The following EBF1 variants were observed in gnomAD, a reference collection of about 807,000 sequenced individuals.
EBF1 encodes the protein EBF transcription factor 1, also known as transcription factor COE1.
A neutral mutation model predicts 68.4 loss-of-function variants in EBF1; 10 were observed. The observed-to-expected ratio is 0.15, with a 90% CI of 0.09 to 0.25. EBF1 has a LOEUF of 0.25. Among genes scored for constraint, EBF1 ranks in the 10% least tolerant of loss-of-function variants. The probability of loss-of-function intolerance (pLI) is 1.00; values close to 1 mark genes in which losing one functional copy is unlikely to be tolerated. For synonymous variants in EBF1, 298 were observed against 299.8 expected (o/e 0.99, Z 0.06); for missense variants, 509 against 794.4 (o/e 0.64, Z 4.32).
chr5:158,845,551 T>C (rs1465885882), intron 6 of EBF1, among the ~76,000 whole-genome samples: 1 of 152,114 alleles, frequency 6.6e-6, no homozygotes, highest in African/African-American at 2.4e-5. Context: ...TCATCATTTA[T>C]CCCTGGCAAC....
intron 6 of EBF1, among the ~76,000 whole-genome samples, chr5:158,997,091 C>T (rs1449167584): frequency 2.6e-5 from 4 of 152,298 alleles, no homozygotes; most frequent in Admixed American, 1.3e-4. Context: ...CCACAAAAGC[C>T]CTTTGTCTAC....
At chr5:158,922,804 C>A (rs950119269) in intron 6 of EBF1, among the ~76,000 whole-genome samples, 3 of 152,140 alleles carry the variant, frequency 2.0e-5, no homozygotes, top group African/African-American at 7.2e-5. Flanking sequence ...AAAGCCTGAG[C>A]CAGATTTCAG....
chr5:158,905,180 CA>C (rs538672498), intron 6 of EBF1, among the ~76,000 whole-genome samples: 15 of 152,292 alleles, frequency 9.8e-5, no homozygotes, highest in African/African-American at 3.1e-4. Context: ...TAACTTTCTG[CA>C]AAAACCTCCC....
chr5:158,753,170 G>A (rs1462265699), intron 10 of EBF1, among the ~76,000 whole-genome samples: 1 of 151,912 alleles, frequency 6.6e-6, no homozygotes, highest in Non-Finnish European at 1.5e-5. Flanking sequence ...TAATATAATT[G>A]AGCTAGTCTT....
chr5:158,732,131 TTTC>T (rs1181364775), intron 10 of EBF1, among the ~76,000 whole-genome samples: 1 of 152,204 alleles, frequency 6.6e-6, no homozygotes, highest in African/African-American at 2.4e-5. Context: ...TTTTTTAAAA[TTTC>T]TTGTCTTTTT....
At chr5:159,059,479 T>A (rs1775397728) in intron 6 of EBF1, among the ~76,000 whole-genome samples, 1 of 152,138 alleles carries the variant, frequency 6.6e-6, no homozygotes, top group Non-Finnish European at 1.5e-5. Context: ...TGTTAAGACA[T>A]ACTGTCTGAG....
At chr5:158,706,464 C>T (rs1448078414) in intron 15 of EBF1, among the ~76,000 whole-genome samples, 1 of 152,116 alleles carries the variant, frequency 6.6e-6, no homozygotes, top group East Asian at 1.9e-4. Context: ...CTCAAGTTTC[C>T]CATCTGTATA....
intron 6 of EBF1, among the ~76,000 whole-genome samples, chr5:159,026,020 G>A (rs1767654687): frequency 6.6e-6 from 1 of 152,188 alleles, no homozygotes; most frequent in Non-Finnish European, 1.5e-5. Context: ...GTTACGTGAA[G>A]GAAGTGTGAA....
chr5:158,953,965 T>G (rs1324970774), intron 6 of EBF1, among the ~76,000 whole-genome samples: 1 of 152,202 alleles, frequency 6.6e-6, no homozygotes, highest in Non-Finnish European at 1.5e-5. Flanking sequence ...TTTACTGTAT[T>G]TTTCCCAATC....
At chr5:159,010,026 G>C (rs1680379780) in intron 6 of EBF1, among the ~76,000 whole-genome samples, 1 of 152,096 alleles carries the variant, frequency 6.6e-6, no homozygotes, top group Non-Finnish European at 1.5e-5. Context: ...CCAAATACAG[G>C]CTTGACACTT....
In EBF1 at chr5:158,885,700, T is replaced by C. The variant is rs147725230; in HGVS notation, c.555-45590A>G. On this transcript the variant is annotated intron_variant, in intron 6 of 15. Transcript: ENST00000313708. ...AAAGATACTGGCTCCATTACAGATA[T>C]GGAAACAAGGTCCACAATGTCTGGG... 3.3e-4 allele frequency among the ~76,000 whole-genome samples: 51 copies of C among 152,274 alleles called. No individual in the cohort carries two copies. The East Asian group carries it at 9.9e-3, about 29-fold the overall frequency.
intron 6 of EBF1, among the ~76,000 whole-genome samples, chr5:158,937,124 A>G (rs1812188878): frequency 6.6e-6 from 1 of 152,072 alleles, no homozygotes; most frequent in African/African-American, 2.4e-5. Context: ...AGGTGCATGA[A>G]TATCAGAAGA....
At chr5:158,773,926 G>A (rs1278366852) in intron 10 of EBF1, among the ~76,000 whole-genome samples, 1 of 152,162 alleles carries the variant, frequency 6.6e-6, no homozygotes, top group Non-Finnish European at 1.5e-5. Flanking sequence ...CCACTGGACT[G>A]ACCAGAAACG....
intron 6 of EBF1, among the ~76,000 whole-genome samples, chr5:159,017,986 G>A (rs1362971314): frequency 6.6e-6 from 1 of 152,064 alleles, no homozygotes; most frequent in Non-Finnish European, 1.5e-5. Context: ...CCATTACTCA[G>A]AGGCCCATTT....
chr5:158,961,328 G>GAAA (rs58123979), intron 6 of EBF1, among the ~76,000 whole-genome samples: 191 of 151,578 alleles, frequency 1.3e-3, no homozygotes, highest in South Asian at 2.1e-3. Context: ...AAGCTTAAAG[G>GAAA]AAAAAAAAAT....
chr5:158,832,206 C>T (rs1385786898), intron 7 of EBF1, among the ~76,000 whole-genome samples: 1 of 152,164 alleles, frequency 6.6e-6, no homozygotes, highest in Non-Finnish European at 1.5e-5. Context: ...TTAAAAGCAG[C>T]TGTGTTTAAT....
chr5:158,838,365 G>A (rs988548316), intron 7 of EBF1, among the ~76,000 whole-genome samples: 15 of 145,024 alleles, frequency 1.0e-4, no homozygotes, highest in Admixed American at 2.8e-4. Context: ...AGAATGGCAT[G>A]AACCCGGGAG....
chr5:158,961,101 C>T (rs2127534368), intron 6 of EBF1, among the ~76,000 whole-genome samples: 1 of 152,290 alleles, frequency 6.6e-6, no homozygotes, highest in African/African-American at 2.4e-5. Flanking sequence ...TATTCAACCT[C>T]AGCAATAATC....
chr5:158,800,424 C>A (rs907245484), intron 8 of EBF1, among the ~76,000 whole-genome samples: 22 of 152,044 alleles, frequency 1.4e-4, no homozygotes, highest in African/African-American at 5.3e-4. Context: ...AAAAGGAGGA[C>A]TATTAACATT....
Sources: gnomAD v4.1 joint callset for allele counts (sites outside exome capture counted in the v4.1 genomes callset) on GRCh38, gnomAD v4.1.1 for gene constraint, MANE v1.5 for transcripts, NCBI Gene and HGNC (gene_info 2026-07-23, HGNC 2026-07-21) for gene names.